BEGAIN: variants seen among roughly 807,000 people sequenced by gnomAD.
The protein encoded by BEGAIN is brain enriched guanylate kinase associated, also known as brain-enriched guanylate kinase-associated protein.
Under a neutral mutation model 35.8 loss-of-function variants are expected in BEGAIN, and 19 were observed. The ratio of observed to expected loss-of-function variants is 0.53; its 90% CI spans 0.37 to 0.78. The LOEUF is 0.78. Among genes scored for constraint, BEGAIN ranks in the 30% least tolerant of loss-of-function variants. BEGAIN has a pLI of 0.00. For synonymous variants in BEGAIN, 462 were observed against 388.6 expected, an observed-to-expected ratio of 1.19 and a Z score of -2.22; for missense variants, 795 against 853.6, an observed-to-expected ratio of 0.93 and a Z score of 0.85.
intron 1 of BEGAIN, among the ~76,000 whole-genome samples, chr14:100,582,196 G>A (rs931858137): frequency 6.6e-6 from 1 of 152,144 alleles, no homozygotes; most frequent in Non-Finnish European, 1.5e-5. Context: ...CCAGGCTAGA[G>A]TGCAGTGGCG....
At chr14:100,547,556 C>T (rs968817790) in intron 2 of BEGAIN, 2 of 152,342 alleles carry the variant, frequency 1.3e-5, no homozygotes, top group African/African-American at 2.4e-5. Flanking sequence ...AGGGATGGCT[C>T]GGAGCTCCCC....
At chr14:100,555,203 G>A (rs2033594093) in intron 2 of BEGAIN, among the ~76,000 whole-genome samples, 1 of 152,244 alleles carries the variant, frequency 6.6e-6, no homozygotes, top group African/African-American at 2.4e-5. Flanking sequence ...GGGCCGTCTG[G>A]GGTCTCCCTG....
intron 5 of BEGAIN, among the ~76,000 whole-genome samples, chr14:100,541,330 AC>A (rs1473735408): frequency 1.3e-5 from 2 of 152,174 alleles, no homozygotes; most frequent in Non-Finnish European, 2.9e-5. Flanking sequence ...CCAGTGACCC[AC>A]CTGAGCTGCC....
At chr14:100,569,867 G>A (rs974430940) in intron 1 of BEGAIN, 2 of 154,478 alleles carry the variant, frequency 1.3e-5, no homozygotes, top group African/African-American at 4.8e-5. Flanking sequence ...CCCCCCTCCG[G>A]TCCTGGGAGG....
intron 2 of BEGAIN, among the ~76,000 whole-genome samples, chr14:100,550,171 G>A (rs544835445): frequency 2.6e-5 from 4 of 152,274 alleles, no homozygotes; most frequent in South Asian, 2.1e-4. Flanking sequence ...GTGGGGCCTC[G>A]AGGGATCTCC....
At chr14:100,569,033 G>C in intron 1 of BEGAIN, 1 of 809,244 alleles carries the variant, frequency 1.2e-6, no homozygotes, top group Non-Finnish European at 1.5e-6. Context: ...GGCGCAGCCC[G>C]GCCGCAGCGC....
intron 1 of BEGAIN, among the ~76,000 whole-genome samples, chr14:100,581,316 C>CCT (rs1179657068): frequency 6.6e-6 from 1 of 152,214 alleles, no homozygotes; most frequent in Non-Finnish European, 1.5e-5. Context: ...TTTCAGGCTG[C>CCT]ATCAGGCAAG....
rs1389719323 is a variant in BEGAIN at position 100,546,776 on chromosome 14, G to GCACACACACACA, written c.72-115_72-114insTGTGTGTGTGTG. ...CACGCGAGTACCGGCGCGCGCGCGCGCGCGCACACACACACACACACACAC... is the reference window on the plus strand; with the variant it reads ...CACGCGAGTACCGGCGCGCGCGCGCGCACACACACACACGCGCACACACACACACACACACAC... On this transcript the variant is annotated intron_variant, in intron 2 of 6. Coordinates refer to ENST00000554140, the MANE Select transcript of BEGAIN (RefSeq NM_001385089.1). 7 of 678,242 alleles carry GCACACACACACA rather than the reference G, an allele frequency of 1.0e-5. No homozygotes were observed. The African/African-American group carries it at 2.0e-4, about 20-fold the overall frequency. 42.0% of individuals were successfully genotyped at this position (678,242 alleles called of 1,614,324 possible). A position where few individuals can be genotyped will look rare whatever the true frequency, so the allele number is the denominator to read the frequency against.
intron 2 of BEGAIN, among the ~76,000 whole-genome samples, chr14:100,566,169 C>A (rs79370118): frequency 6.6e-6 from 1 of 152,226 alleles, no homozygotes; most frequent in South Asian, 2.1e-4. Flanking sequence ...CCACATGGCC[C>A]GATGCAGCCC....
intron 1 of BEGAIN, among the ~76,000 whole-genome samples, chr14:100,575,767 G>A (rs572148658): frequency 1.1e-4 from 16 of 152,208 alleles, no homozygotes; most frequent in South Asian, 4.1e-4. Flanking sequence ...CTGGGTTCCC[G>A]GGTGGGGCCA....
intron 5 of BEGAIN, among the ~76,000 whole-genome samples, chr14:100,541,569 C>T (rs1347282131): frequency 6.6e-6 from 1 of 152,262 alleles, no homozygotes; most frequent in Admixed American, 6.5e-5. Flanking sequence ...AGGAACAGAA[C>T]AGCACGGCTG....
In BEGAIN at chr14:100,538,265, C is replaced by A; in HGVS notation, c.1543G>T (p.Gly515Cys). ...CCGGGACTGAGGCTCAGGTCGCCGC[C>A]CGCCCGCAGGAAGCAGGGCTCTGCC... ...HLAEPCFLRAGGDLSLSPGRS... is the reference protein window; with the variant it reads ...HLAEPCFLRACGDLSLSPGRS... The change falls in exon 7 of 7, where the codon GGC becomes TGC. Residue 515 changes from glycine to cysteine, a missense_variant. Around this residue, in one of 3 missense-constraint regions of BEGAIN, gnomAD observed 664 missense variants for 647.7 expected, o/e 1.03. Transcript: ENST00000554140. The A allele has an allele frequency of 6.4e-7, 1 of 1,566,460 alleles. No homozygotes were observed.
rs189126723 is a variant in BEGAIN, at chr14:100,578,891, C to T, written c.42+8358G>A. Among the ~76,000 whole-genome samples, 1,053 of 131,326 alleles carry T rather than the reference C, an allele frequency of 8.0e-3. 9 individuals carry two copies. The highest frequency in any genetic ancestry group is 0.026 in the African/African-American group (880 of 34,232). 86.2% of individuals were successfully genotyped at this position (131,326 alleles called of 152,430 possible). On this transcript the variant is annotated intron_variant, in intron 1 of 6. Coordinates refer to ENST00000554140, the MANE Select transcript of BEGAIN (RefSeq NM_001385089.1). ...TTTTTTTTTTTCTGAGATGGAGTTTCGCTCTTGTTGCCCAGGCTGGATTAC... is the reference window on the plus strand; with the variant it reads ...TTTTTTTTTTTCTGAGATGGAGTTTTGCTCTTGTTGCCCAGGCTGGATTAC...
chr14:100,571,926 G>A (rs1334820541), intron 1 of BEGAIN, among the ~76,000 whole-genome samples: 4 of 152,176 alleles, frequency 2.6e-5, no homozygotes, highest in South Asian at 4.1e-4. Flanking sequence ...GGTGAGGCCC[G>A]ACAGCAGAGC....
chr14:100,546,243 C>T (rs977836214), intron 3 of BEGAIN: 1 of 225,748 alleles, frequency 4.4e-6, no homozygotes, highest in Non-Finnish European at 9.3e-6. Flanking sequence ...AGAGCTTCCC[C>T]TACCAGAACC....
intron 2 of BEGAIN, chr14:100,549,895 A>G (rs2033000879): frequency 2.0e-5 from 3 of 152,436 alleles, no homozygotes; most frequent in South Asian, 2.1e-4. Flanking sequence ...ACAGCTCCTT[A>G]GCAGACATAC....
chr14:100,545,647 G>A (rs2032275334), intron 3 of BEGAIN, among the ~76,000 whole-genome samples: 1 of 152,188 alleles, frequency 6.6e-6, no homozygotes, highest in Non-Finnish European at 1.5e-5. Flanking sequence ...GTCGTGTTAT[G>A]GCCCCTGTCT....
Position 100,543,945 on chromosome 14 carries a change from C to T in BEGAIN, c.321G>A (p.Glu107=). The change falls in exon 5 of 7, where the codon GAG becomes GAA. Residue 107 remains glutamate, a synonymous_variant. Transcript: ENST00000554140. ...CAATCTCGTGGCTCAGCGCACGCTT[C>T]TCCTCCTCATAGTGCTGGCCCTGGG... ...LYRMGQHYEE[E]KRALSHEIVA... is the part of the protein sequence containing the mutation. The T allele has an allele frequency of 1.9e-6, 3 of 1,611,584 alleles. No individual in the cohort carries two copies. The highest frequency in any genetic ancestry group is 2.5e-6 in the Non-Finnish European group (3 of 1,179,020).
intron 1 of BEGAIN, among the ~76,000 whole-genome samples, chr14:100,578,495 C>T (rs963809002): frequency 5.9e-5 from 9 of 152,250 alleles, no homozygotes; most frequent in African/African-American, 2.2e-4. Flanking sequence ...TATTACAGAG[C>T]CTTCATTTTC....
Sources: allele counts gnomAD v4.1 joint callset (sites outside exome capture counted in the v4.1 genomes callset), GRCh38; gene constraint gnomAD v4.1.1; regional missense constraint gnomAD v4.1.1; transcripts MANE v1.5; gene names NCBI Gene and HGNC (gene_info 2026-07-23, HGNC 2026-07-21).